The following PFKP variants were observed in gnomAD, a reference collection of about 807,000 sequenced individuals.
The protein encoded by PFKP is ATP-dependent 6-phosphofructokinase, platelet type.
Under a neutral mutation model 94.3 loss-of-function variants are expected in PFKP, and 101 were observed. The observed-to-expected ratio is 1.07, with a 90% CI of 0.91 to 1.26. PFKP has a LOEUF of 1.26. Ranked by LOEUF, PFKP falls within the 50% of genes most tolerant of loss-of-function variation. The pLI is 0.00. For missense variants in PFKP, 1,145 were observed against 1,103.3 expected, an observed-to-expected ratio of 1.04 and a Z score of -0.53; for synonymous variants, 573 against 432.6, an observed-to-expected ratio of 1.32 and a Z score of -4.03.
intron 4 of PFKP, among the ~76,000 whole-genome samples, chr10:3,103,021 G>A (rs1835170963): frequency 6.6e-6 from 1 of 152,198 alleles, no homozygotes; most frequent in South Asian, 2.1e-4. Context: ...CCCAGCCCAG[G>A]TCTGTCCTGA....
At position 3,136,640 on chromosome 10, in the gene PFKP, G is replaced by T. The variant is rs1839402892; in HGVS notation, c.*61G>T. 2 of 1,569,140 alleles carry T rather than the reference G, an allele frequency of 1.3e-6. No homozygotes were observed. The highest frequency in any genetic ancestry group is 1.4e-5 in the African/African-American group (1 of 74,046). ...GACTGTCTGTTTTTGTAACACTTAA[G>T]TTATTTTATCAGCACTTTATGCACG... On this transcript the variant is annotated 3_prime_UTR_variant, in exon 22 of 22. Coordinates refer to ENST00000381125, the MANE Select transcript of PFKP (RefSeq NM_002627.5).
chr10:3,128,357 G>A (rs746677116), intron 16 of PFKP, among the ~76,000 whole-genome samples: 1 of 152,212 alleles, frequency 6.6e-6, no homozygotes, highest in Non-Finnish European at 1.5e-5. Flanking sequence ...GAGAGCCCCT[G>A]ACAGAGGGAA....
intron 17 of PFKP, 104 bp from the exon 18 acceptor site, chr10:3,132,276 G>A (rs551353592): frequency 1.4e-4 from 107 of 788,524 alleles, no homozygotes; most frequent in South Asian, 1.3e-3. Flanking sequence ...CCTTGGCCAC[G>A]CTCACTGCCA....
intron 2 of PFKP, among the ~76,000 whole-genome samples, chr10:3,087,803 C>T (rs1390067345): frequency 1.3e-5 from 2 of 152,092 alleles, no homozygotes; most frequent in South Asian, 2.1e-4. Context: ...TCACCTTCCT[C>T]CAGTGTAGCC....
chr10:3,069,919 G>C (rs2131366377), intron 1 of PFKP, among the ~76,000 whole-genome samples: 1 of 152,314 alleles, frequency 6.6e-6, no homozygotes, highest in African/African-American at 2.4e-5. Context: ...TAGACATATT[G>C]AAGGTTAGTA....
At chr10:3,101,330 C>T (rs538001459) in intron 3 of PFKP, 35 bp from the exon 4 acceptor site, 4 of 1,539,942 alleles carry the variant, frequency 2.6e-6, no homozygotes, top group Non-Finnish European at 3.5e-6. Context: ...CTCTCTCAGA[C>T]TGAGAGGAGA....
At chr10:3,105,556 A>C in intron 7 of PFKP, 55 bp downstream of exon 7, 1 of 1,255,478 alleles carries the variant, frequency 8.0e-7, no homozygotes, top group Non-Finnish European at 1.2e-6. Context: ...CATTGCTTTA[A>C]TCAGGATCCC....
Position 3,133,239 on chromosome 10 carries a change from C to T in PFKP, c.1947C>T (p.Phe649=). ...ESCSENYTTD[F]IYQLYSEEGK... is the part of the protein sequence containing the mutation. ...GCAGTGAAAACTACACCACCGACTT[C>T]ATTTACCAGCTGTATTCAGAAGAGG... The change falls in exon 19 of 22, where the codon TTC becomes TTT. Residue 649 remains phenylalanine, a synonymous_variant. Coordinates refer to ENST00000381125, the MANE Select transcript of PFKP (RefSeq NM_002627.5). 6.2e-7 allele frequency: 1 copy of T among 1,614,042 alleles called. No individual in the cohort carries two copies. Among genetic ancestry groups the T allele is most frequent in the Non-Finnish European group, 8.5e-7 (1 of 1,179,910 alleles).
At position 3,136,516 on chromosome 10, in the gene PFKP, C is replaced by T. The variant is rs761258377; in HGVS notation, c.2292C>T (p.Tyr764=). The T allele has an allele frequency of 6.8e-6, 11 of 1,613,686 alleles. No homozygotes were observed. The highest frequency in any genetic ancestry group is 5.5e-5 in the South Asian group (5 of 91,014). ...LRPLMKILAK[Y]KASYDVSDSG... is the part of the protein sequence containing the mutation. The stretch of plus-strand genomic sequence containing the variant: ...CCCTCATGAAAATCCTGGCCAAGTA[C>T]AAGGCCAGCTATGACGTGTCGGACT... The change falls in exon 22 of 22, where the codon TAC becomes TAT. Residue 764 remains tyrosine, a synonymous_variant. Coordinates refer to ENST00000381125, the MANE Select transcript of PFKP (RefSeq NM_002627.5).
intron 16 of PFKP, among the ~76,000 whole-genome samples, chr10:3,121,688 C>T (rs1190150152): frequency 3.3e-5 from 5 of 151,236 alleles, no homozygotes; most frequent in South Asian, 2.1e-4. Context: ...TGATCATTTC[C>T]ACCTGCTTTT....
intron 1 of PFKP, among the ~76,000 whole-genome samples, chr10:3,079,672 G>GA (rs1832889735): frequency 9.0e-6 from 1 of 111,472 alleles, no homozygotes; most frequent in Non-Finnish European, 2.1e-5. Context: ...TGGGGGGGGG[G>GA]GGAAGAGGAG....
At chr10:3,095,207 C>T (rs1275309686) in intron 2 of PFKP, among the ~76,000 whole-genome samples, 1 of 89,228 alleles carries the variant, frequency 1.1e-5, no homozygotes, top group Non-Finnish European at 3.3e-5. Flanking sequence ...AAAAAAAAAA[C>T]TTACATATGA....
intron 1 of PFKP, among the ~76,000 whole-genome samples, chr10:3,073,507 T>C (rs2131377913): frequency 6.6e-6 from 1 of 151,932 alleles, no homozygotes; most frequent in South Asian, 2.1e-4. Flanking sequence ...GCACCGGTGC[T>C]GCTGGACCCC....
chr10:3,077,775 G>T (rs1166675089), intron 1 of PFKP, among the ~76,000 whole-genome samples: 1 of 152,098 alleles, frequency 6.6e-6, no homozygotes, highest in African/African-American at 2.4e-5. Context: ...CCTGCATTGT[G>T]GTTTAGTAAG....
Position 3,129,698 on chromosome 10 carries a change from C to T in PFKP, c.1684-121C>T, listed in dbSNP as rs931538518. 20 of 1,031,148 alleles carry T rather than the reference C, an allele frequency of 1.9e-5. No individual in the cohort carries two copies. In the South Asian group the frequency reaches 2.7e-4, roughly 14 times the overall value. The allele number at this position is 1,031,148 out of a possible 1,614,324, so 63.9% of individuals were successfully genotyped here. A position where few individuals can be genotyped will look rare whatever the true frequency, so the allele number is the denominator to read the frequency against. On this transcript the variant is annotated intron_variant, in intron 16 of 21. Transcript: ENST00000381125. ...GCACACCCTTCACCTCTGCGGGATG[C>T]TGGGACCGCATGTTTGGGCGCGGTG... is the stretch of plus-strand genomic sequence containing the variant.
intron 1 of PFKP, 40 bp from the exon 2 acceptor site, chr10:3,082,348 C>T: frequency 6.6e-7 from 1 of 1,517,356 alleles, no homozygotes; most frequent in Non-Finnish European, 9.0e-7. Context: ...CAGAATTACC[C>T]CGGGCTCTTC....
At chr10:3,116,435 A>C (rs981422200) in intron 13 of PFKP, among the ~76,000 whole-genome samples, 15 of 152,124 alleles carry the variant, frequency 9.9e-5, no homozygotes, top group Non-Finnish European at 2.2e-4. Flanking sequence ...ATTTTCCCTT[A>C]ATCTTTTACC....
At chr10:3,131,999 A>G (rs1420050337) in intron 17 of PFKP, among the ~76,000 whole-genome samples, 1 of 152,174 alleles carries the variant, frequency 6.6e-6, no homozygotes, top group Non-Finnish European at 1.5e-5. Flanking sequence ...ATGAGATTCC[A>G]TAGAAAGGCC....
In PFKP at chr10:3,083,798, T is replaced by A. The variant is rs1271604821; in HGVS notation, c.186+1337T>A. Among the ~76,000 whole-genome samples, 4 of 152,178 alleles carry A rather than the reference T, an allele frequency of 2.6e-5. No homozygotes were observed. The East Asian group carries it at 7.7e-4, about 29-fold the overall frequency. ...GCTGGGATTAAGGTGCCTGCCACCA[T>A]GCCCAGCTAATTTTTGTGTTTTTTA... On this transcript the variant is annotated intron_variant, in intron 2 of 21. Coordinates refer to ENST00000381125, the MANE Select transcript of PFKP (RefSeq NM_002627.5).
Sources: allele counts gnomAD v4.1 joint callset (sites outside exome capture counted in the v4.1 genomes callset), GRCh38; gene constraint gnomAD v4.1.1; transcripts MANE v1.5; gene names NCBI Gene and HGNC (gene_info 2026-07-23, HGNC 2026-07-21).